The following ABI3BP variants were observed in gnomAD, a reference collection of about 807,000 sequenced individuals.
ABI3BP encodes ABI family member 3 binding protein.
Under a neutral mutation model 268.6 loss-of-function variants are expected in ABI3BP, and 216 were observed. The observed-to-expected ratio is 0.80, with a 90% CI of 0.72 to 0.90. The LOEUF (loss-of-function observed/expected upper bound fraction) is 0.90, where lower values mean the gene tolerates loss of function less well. ABI3BP is among the 40% of genes least tolerant of loss of function. The pLI is 0.00. For missense variants in ABI3BP, 2,090 were observed against 2,182.4 expected (o/e 0.96, Z 0.84); for synonymous variants, 730 against 730.0 (o/e 1.00, Z 0.00).
intron 9 of ABI3BP, among the ~76,000 whole-genome samples, chr3:100,867,654 A>AC: frequency 6.6e-6 from 1 of 151,362 alleles, no homozygotes; most frequent in African/African-American, 2.4e-5. Flanking sequence ...AAAAAAAAAA[A>AC]AAAAAAAGAA....
chr3:100,838,501 A>G, intron 24 of ABI3BP, 37 bp from the exon 25 acceptor site: 1 of 1,475,800 alleles, frequency 6.8e-7, no homozygotes, highest in Non-Finnish European at 9.2e-7. Context: ...ACAATGGGTC[A>G]TGGCTGTGAC....
chr3:100,926,209 A>G, intron 2 of ABI3BP, 93 bp downstream of exon 2: 1 of 1,346,586 alleles, frequency 7.4e-7, no homozygotes, highest in Non-Finnish European at 1.0e-6. Context: ...GGATGTAGAA[A>G]AAATAGTTCT....
At position 100,829,563 on chromosome 3, in the gene ABI3BP, C is replaced by T. The variant is rs1446524472; in HGVS notation, c.2542+18G>A. On this transcript the variant is annotated intron_variant, in intron 33 of 67. Transcript: ENST00000471714. ...GGGTGGGCTGTTAGGATTCCTCAAG[C>T]ATGACCTACAAATTTACCCAGTTCA... 1.3e-6 allele frequency: 2 copies of T among 1,531,668 alleles called. No homozygotes were observed. The highest frequency in any genetic ancestry group is 2.7e-5 in the African/African-American group (2 of 72,884). 94.9% of individuals were successfully genotyped at this position (1,531,668 alleles called of 1,614,324 possible). A position where few individuals can be genotyped will look rare whatever the true frequency, so the allele number is the denominator to read the frequency against.
At chr3:100,765,087 A>C (rs2096208565) in intron 63 of ABI3BP, among the ~76,000 whole-genome samples, 1 of 144,640 alleles carries the variant, frequency 6.9e-6, no homozygotes, top group African/African-American at 2.6e-5. Flanking sequence ...CAATCAATTG[A>C]TGACAATGTG....
intron 1 of ABI3BP, among the ~76,000 whole-genome samples, chr3:100,976,305 A>G (rs535628472): frequency 2.6e-5 from 4 of 152,268 alleles, no homozygotes; most frequent in South Asian, 2.1e-4. Flanking sequence ...TTCCCTACAT[A>G]AAGCTTTTTC....
intron 62 of ABI3BP, among the ~76,000 whole-genome samples, chr3:100,769,602 G>T (rs895850534): frequency 6.6e-6 from 1 of 152,202 alleles, no homozygotes; most frequent in Non-Finnish European, 1.5e-5. Flanking sequence ...TGAGAACTAA[G>T]CCTCAGATGA....
rs1453021435 is a variant in ABI3BP at position 100,975,558 on chromosome 3, T to C, written c.79+17748A>G. On this transcript the variant is annotated intron_variant, in intron 1 of 67. Transcript: ENST00000471714. ...ATGCTTTTAGACCTGACTCAATTTT[T>C]TTCAGTCCTTCACAAATAGCATTAG... Among the ~76,000 whole-genome samples the C allele has an allele frequency of 2.6e-5, 4 of 152,146 alleles. No individual in the cohort carries two copies. In the East Asian group the frequency reaches 5.8e-4, roughly 22 times the overall value.
intron 54 of ABI3BP, 74 bp downstream of exon 54, chr3:100,794,849 A>C (rs2097297754): frequency 2.8e-6 from 3 of 1,069,134 alleles, no homozygotes; most frequent in Non-Finnish European, 2.8e-6. Context: ...TGTGAACATA[A>C]TGTATTATGG....
chr3:100,968,667 A>AT (rs1410263182), intron 1 of ABI3BP, among the ~76,000 whole-genome samples: 3 of 152,038 alleles, frequency 2.0e-5, no homozygotes, highest in South Asian at 4.1e-4. Flanking sequence ...TATGTTGTTG[A>AT]TTTTTTAGTG....
At chr3:100,977,585 A>G (rs1349836983) in intron 1 of ABI3BP, among the ~76,000 whole-genome samples, 19 of 152,212 alleles carry the variant, frequency 1.2e-4, no homozygotes, top group Admixed American at 1.1e-3. Context: ...TTCATGACAC[A>G]TCAGCTGGTT....
intron 14 of ABI3BP, 93 bp downstream of exon 14, chr3:100,862,218 C>A: frequency 1.2e-6 from 1 of 839,820 alleles, no homozygotes; most frequent in Non-Finnish European, 1.9e-6. Context: ...TATTACAAAG[C>A]ATAATGATAA....
At chr3:100,904,304 C>T (rs931748720) in intron 2 of ABI3BP, among the ~76,000 whole-genome samples, 2 of 152,100 alleles carry the variant, frequency 1.3e-5, no homozygotes, top group Admixed American at 6.6e-5. Context: ...CCTGCTGTCA[C>T]CATCTTGAAA....
chr3:100,884,915 A>G (rs888451253), intron 6 of ABI3BP, among the ~76,000 whole-genome samples: 1 of 152,108 alleles, frequency 6.6e-6, no homozygotes, highest in Non-Finnish European at 1.5e-5. Flanking sequence ...CAGTCATCCC[A>G]GGTGGGGTGG....
chr3:100,889,997 T>C (rs2043783613), intron 4 of ABI3BP, among the ~76,000 whole-genome samples: 1 of 152,112 alleles, frequency 6.6e-6, no homozygotes, highest in South Asian at 2.1e-4. Flanking sequence ...CAGCAACATA[T>C]TGGATATTCT....
At chr3:100,833,717 G>C (rs2098529740) in intron 29 of ABI3BP, among the ~76,000 whole-genome samples, 1 of 152,156 alleles carries the variant, frequency 6.6e-6, no homozygotes, top group South Asian at 2.1e-4. Flanking sequence ...TATCAGGAGA[G>C]AAAAGGCCTG....
intron 4 of ABI3BP, among the ~76,000 whole-genome samples, chr3:100,895,647 G>T (rs887362952): frequency 1.3e-5 from 2 of 152,142 alleles, no homozygotes; most frequent in African/African-American, 2.4e-5. Context: ...CATTCAGATT[G>T]CAATGGTTTT....
At chr3:100,765,774 C>T (rs1213691628) in intron 63 of ABI3BP, 67 bp downstream of exon 63, 1 of 1,201,914 alleles carries the variant, frequency 8.3e-7, no homozygotes, top group East Asian at 2.5e-5. Flanking sequence ...ATTATCATTT[C>T]TTTCCCTTGT....
intron 56 of ABI3BP, among the ~76,000 whole-genome samples, chr3:100,789,209 T>A (rs1436456360): frequency 2.0e-5 from 3 of 152,108 alleles, no homozygotes; most frequent in Non-Finnish European, 4.4e-5. Flanking sequence ...ACACTATTTT[T>A]AAATACTTTT....
intron 2 of ABI3BP, among the ~76,000 whole-genome samples, chr3:100,915,935 A>C (rs1220440926): frequency 6.6e-6 from 1 of 152,136 alleles, no homozygotes; most frequent in Non-Finnish European, 1.5e-5. Context: ...TGATACCACA[A>C]ATGTTTAAAA....
Sources: gnomAD v4.1 joint callset for allele counts (sites outside exome capture counted in the v4.1 genomes callset) on GRCh38, gnomAD v4.1.1 for gene constraint, MANE v1.5 for transcripts, NCBI Gene and HGNC (gene_info 2026-07-23, HGNC 2026-07-21) for gene names.